RXRA: variants seen among roughly 807,000 people sequenced by gnomAD.
RXRA encodes retinoic acid receptor RXR-alpha.
A neutral mutation model predicts 44.5 loss-of-function variants in RXRA; 5 were observed. That is an observed-to-expected ratio of 0.11 (90% confidence interval 0.06 to 0.24). The LOEUF is 0.24. RXRA is among the 10% of genes least tolerant of loss of function. The probability of loss-of-function intolerance (pLI) is 1.00; values close to 1 mark genes in which losing one functional copy is unlikely to be tolerated. For missense variants in RXRA, 412 were observed against 646.5 expected (o/e 0.64, Z 3.93); for synonymous variants, 291 against 271.4 (o/e 1.07, Z -0.71).
intron 1 of RXRA, chr9:134,380,018 G>A (rs1285481531): frequency 2.0e-6 from 2 of 985,252 alleles, no homozygotes; most frequent in East Asian, 1.1e-4. Context: ...AGCCCAGCAG[G>A]GGCTCCCTTT....
chr9:134,433,974 A>T lies in RXRA; in HGVS notation c.1136-128A>T. ...AGCGGGCGGAGGCATGTCCAGCGGCATTCCTCCACCACCTGCTCTGCCCAT... is the reference window on the plus strand; with the variant it reads ...AGCGGGCGGAGGCATGTCCAGCGGCTTTCCTCCACCACCTGCTCTGCCCAT... On this transcript the variant is annotated intron_variant, in intron 8 of 9. Coordinates refer to ENST00000481739, the MANE Select transcript of RXRA (RefSeq NM_002957.6). This position sits in a 1 kb window ranked among gnomAD's most constrained non-coding sequence, Gnocchi z 4.2. The T allele has an allele frequency of 1.5e-6, 1 of 650,268 alleles. No individual in the cohort carries two copies. Among genetic ancestry groups the T allele is most frequent in the Non-Finnish European group, 2.7e-6 (1 of 376,614 alleles). 40.3% of individuals were successfully genotyped at this position (650,268 alleles called of 1,614,324 possible).
intron 1 of RXRA, among the ~76,000 whole-genome samples, chr9:134,344,658 T>C (rs996993444): frequency 2.0e-5 from 3 of 152,152 alleles, no homozygotes; most frequent in Non-Finnish European, 2.9e-5. Context: ...TAGCGCCCTC[T>C]GTGGCTCCCC....
chr9:134,418,357 T>G (rs1029475922), intron 5 of RXRA, among the ~76,000 whole-genome samples: 3 of 152,144 alleles, frequency 2.0e-5, no homozygotes, highest in Admixed American at 2.0e-4. Context: ...TTTGCCATGG[T>G]CACCATGGTG....
At chr9:134,390,284 T>G (rs1830780796) in intron 1 of RXRA, among the ~76,000 whole-genome samples, 1 of 152,152 alleles carries the variant, frequency 6.6e-6, no homozygotes. Context: ...CAGGCCAGGC[T>G]AAAGCCAGCT....
intron 1 of RXRA, 136 bp from the exon 2 acceptor site, chr9:134,401,496 C>G (rs180901755): frequency 4.9e-5 from 68 of 1,392,928 alleles, no homozygotes; most frequent in Non-Finnish European, 6.4e-5. Flanking sequence ...AGAGAGCTGT[C>G]GAGACCCACG....
chr9:134,414,631 T>C (rs1183912808), intron 4 of RXRA, among the ~76,000 whole-genome samples: 11 of 152,258 alleles, frequency 7.2e-5, no homozygotes, highest in Non-Finnish European at 5.9e-5. Context: ...TCTTGAGCGC[T>C]CAGCCCTGCC....
At chr9:134,396,337 A>C (rs936606730) in intron 1 of RXRA, among the ~76,000 whole-genome samples, 1 of 151,114 alleles carries the variant, frequency 6.6e-6, no homozygotes, top group Non-Finnish European at 1.5e-5. Flanking sequence ...CTTCCCCCAA[A>C]CCTTGACGCG....
chr9:134,422,418 C>T (rs202012497), intron 6 of RXRA: 71 of 1,274,222 alleles, frequency 5.6e-5, no homozygotes, highest in Non-Finnish European at 7.0e-5. Flanking sequence ...ACATTCCACT[C>T]TCCCTGGACG....
chr9:134,422,243 T>A (rs1831351633), intron 6 of RXRA: 1 of 1,261,724 alleles, frequency 7.9e-7, no homozygotes, highest in Non-Finnish European at 1.0e-6. Context: ...ACTCCTGGGA[T>A]GCTCCCATCT....
intron 5 of RXRA, among the ~76,000 whole-genome samples, chr9:134,419,339 T>C (rs1029183700): frequency 6.6e-6 from 1 of 152,216 alleles, no homozygotes; most frequent in Non-Finnish European, 1.5e-5. Flanking sequence ...ATCTGCTGTC[T>C]CCGCCACTGC....
intron 1 of RXRA, chr9:134,380,096 G>T: frequency 2.0e-6 from 2 of 985,500 alleles, no homozygotes; most frequent in Non-Finnish European, 2.4e-6. Context: ...GTCGTGGTCA[G>T]TCGTGCCGCC....
intron 1 of RXRA, among the ~76,000 whole-genome samples, chr9:134,332,691 C>T (rs961800303): frequency 2.6e-4 from 40 of 152,106 alleles, no homozygotes; most frequent in Non-Finnish European, 1.0e-4. Flanking sequence ...CATGGGTGCC[C>T]GGAGACTGGG....
At chr9:134,423,104 CT>C in intron 6 of RXRA, 1 of 985,476 alleles carries the variant, frequency 1.0e-6, no homozygotes, top group Non-Finnish European at 1.2e-6. Flanking sequence ...CCCCGCAAAG[CT>C]GGTCCCCCAC....
intron 1 of RXRA, among the ~76,000 whole-genome samples, chr9:134,360,301 G>A (rs781781276): frequency 3.3e-4 from 50 of 152,192 alleles, no homozygotes; most frequent in Non-Finnish European, 5.1e-4. Flanking sequence ...CCTGTCGGGC[G>A]GCAGGGCAGA....
At chr9:134,412,757 C>T (rs1271090800) in intron 4 of RXRA, among the ~76,000 whole-genome samples, 1 of 152,170 alleles carries the variant, frequency 6.6e-6, no homozygotes, top group Non-Finnish European at 1.5e-5. Context: ...ATGGGGAAGA[C>T]AGGCCTCACC....
intron 1 of RXRA, among the ~76,000 whole-genome samples, chr9:134,361,429 C>T (rs957293891): frequency 2.0e-5 from 3 of 152,176 alleles, no homozygotes; most frequent in African/African-American, 7.2e-5. Context: ...GTCTGCCTTG[C>T]CTACCTGGTG....
chr9:134,420,496 T>A (rs865804530), intron 5 of RXRA, among the ~76,000 whole-genome samples: 3 of 152,162 alleles, frequency 2.0e-5, no homozygotes, highest in Admixed American at 2.0e-4. Context: ...TGCCCTGCCC[T>A]CTTCCGAGGG....
intron 2 of RXRA, 38 bp from the exon 3 acceptor site, chr9:134,408,111 G>T: frequency 6.7e-7 from 1 of 1,497,584 alleles, no homozygotes; most frequent in Non-Finnish European, 8.9e-7. Context: ...GACAAACCTG[G>T]TGTACACCCC....
At chr9:134,428,144 C>A (rs1831464680) in intron 6 of RXRA, among the ~76,000 whole-genome samples, 1 of 152,088 alleles carries the variant, frequency 6.6e-6, no homozygotes, top group South Asian at 2.1e-4. Flanking sequence ...TGTTGAGGGG[C>A]TGCTGTTACC....
Sources: gnomAD v4.1 joint callset for allele counts (sites outside exome capture counted in the v4.1 genomes callset) on GRCh38, gnomAD v4.1.1 for gene constraint, Gnocchi (gnomAD v3.1) non-coding constraint, MANE v1.5 for transcripts, NCBI Gene and HGNC (gene_info 2026-07-23, HGNC 2026-07-21) for gene names.